MAML2: variants seen among roughly 807,000 people sequenced by gnomAD.
The protein encoded by MAML2 is mastermind-like protein 2.
MAML2 carries 22 observed loss-of-function variants against 96.1 expected under a neutral mutation model. The ratio of observed to expected loss-of-function variants is 0.23; its 90% CI spans 0.16 to 0.33. MAML2 has a LOEUF of 0.33. Among genes scored for constraint, MAML2 ranks in the 10% least tolerant of loss-of-function variants. The pLI is 1.00. For missense variants in MAML2, 1,367 were observed against 1,392.4 expected (o/e 0.98, Z 0.29); for synonymous variants, 561 against 521.3 (o/e 1.08, Z -1.04).
intron 1 of MAML2, among the ~76,000 whole-genome samples, chr11:96,338,245 C>T (rs558305549): frequency 6.6e-6 from 1 of 152,328 alleles, no homozygotes; most frequent in Admixed American, 6.5e-5. Flanking sequence ...TGAGTTAGTG[C>T]CTAAAGTCTG....
At chr11:96,300,372 C>T (rs1016722062) in intron 1 of MAML2, among the ~76,000 whole-genome samples, 4 of 152,098 alleles carry the variant, frequency 2.6e-5, no homozygotes, top group East Asian at 1.9e-4. Context: ...CAGACAGCTA[C>T]GACAAAACAT....
At chr11:96,152,783 A>G (rs887102007) in intron 1 of MAML2, among the ~76,000 whole-genome samples, 8 of 152,206 alleles carry the variant, frequency 5.3e-5, no homozygotes, top group Non-Finnish European at 8.8e-5. Context: ...TGCTGGGAGA[A>G]TACCAATGTA....
chr11:96,074,462 A>C (rs1010285759), intron 2 of MAML2, among the ~76,000 whole-genome samples: 6 of 152,248 alleles, frequency 3.9e-5, no homozygotes, highest in South Asian at 2.1e-4. Context: ...TTTCTCTCCC[A>C]AAACCCCAAG....
chr11:96,092,034 G>A lies in MAML2; in HGVS notation c.1997C>T (p.Pro666Leu). 1 of 1,558,610 alleles carries A rather than the reference G, an allele frequency of 6.4e-7. No individual in the cohort carries two copies. The highest frequency in any genetic ancestry group is 8.7e-7 in the Non-Finnish European group (1 of 1,151,556). Residue 666 changes from proline (P) to leucine (L), a missense_variant, in exon 2 of 5, where the codon CCA (proline) becomes CTA (leucine). Physicochemically the swap from Pro to Leu is moderately conservative, Grantham distance 98. Transcript: ENST00000524717. The surrounding 1 kb of genome is among the most constrained non-coding windows in gnomAD (Gnocchi z 4.1). ...QQQQQQQQQQPSSQPAQSLPS... is the reference protein window; with the variant it reads ...QQQQQQQQQQLSSQPAQSLPS... Reference sequence around the variant, plus strand: ...TAGAGATTGGGCAGGCTGAGAAGATGGTTGTTGCTGCTGCTGCTGCTGCTG... The same window carrying A: ...TAGAGATTGGGCAGGCTGAGAAGATAGTTGTTGCTGCTGCTGCTGCTGCTG...
intron 2 of MAML2, among the ~76,000 whole-genome samples, chr11:96,077,284 G>A (rs1427834633): frequency 7.8e-5 from 11 of 140,262 alleles, no homozygotes; most frequent in Non-Finnish European, 1.1e-4. Flanking sequence ...GCAGTGGTGC[G>A]ATCTAGGCTC....
chr11:96,081,749 C>A (rs1341726490), intron 2 of MAML2, among the ~76,000 whole-genome samples: 1 of 152,202 alleles, frequency 6.6e-6, no homozygotes, highest in Non-Finnish European at 1.5e-5. Context: ...TTATTTCATG[C>A]ACCATGGAAA....
rs1157893034 is a variant in MAML2, at chr11:96,159,404, A to ATTTTTTTTTTT, written c.514-65888_514-65887insAAAAAAAAAAA. On this transcript the variant is annotated intron_variant, in intron 1 of 4. Transcript: ENST00000524717. ...TACTAACCGTGCCTCTAAACCACTG[A>ATTTTTTTTTTT]TTCTTTTTTTTTTTTTTTTTTTTTT... Among the ~76,000 whole-genome samples the ATTTTTTTTTTT allele has an allele frequency of 4.9e-3, 303 of 61,936 alleles. 51 individuals are homozygous for ATTTTTTTTTTT. Among genetic ancestry groups the ATTTTTTTTTTT allele is most frequent in the African/African-American group, 0.013 (227 of 18,072 alleles). 40.6% of individuals were successfully genotyped at this position (61,936 alleles called of 152,430 possible).
intron 1 of MAML2, among the ~76,000 whole-genome samples, chr11:96,106,258 C>T (rs1019801687): frequency 6.6e-6 from 1 of 152,054 alleles, no homozygotes; most frequent in Non-Finnish European, 1.5e-5. Flanking sequence ...AAAAAAATAC[C>T]ACCTCACCTA....
chr11:96,068,571 C>T lies in MAML2; in HGVS notation c.2139+23321G>A, dbSNP rs112056943. On this transcript the variant is annotated intron_variant, in intron 2 of 4. Coordinates refer to ENST00000524717, the MANE Select transcript of MAML2 (RefSeq NM_032427.4). ...TAAGCCTGGGCATTTTTTAAAAGTA[C>T]GTATTTTAGCACTTTGGGAGGCCAA... 1.8e-3 allele frequency among the ~76,000 whole-genome samples: 269 copies of T among 151,718 alleles called. 2 individuals carry two copies. The highest frequency in any genetic ancestry group is 6.0e-3 in the African/African-American group (248 of 41,374).
At chr11:96,299,059 A>AT (rs55986543) in intron 1 of MAML2, among the ~76,000 whole-genome samples, 4,832 of 58,122 alleles carry the variant, frequency 0.083, 83 homozygotes, top group African/African-American at 0.14. Flanking sequence ...AAAAAAAAAA[A>AT]AATATATATA....
intron 1 of MAML2, among the ~76,000 whole-genome samples, chr11:96,198,717 C>T (rs755864045): frequency 2.0e-5 from 3 of 152,102 alleles, no homozygotes; most frequent in Admixed American, 6.6e-5. Context: ...GGCAAAGTTC[C>T]GGAAGGAGGA....
chr11:96,225,617 A>C (rs1371336391), intron 1 of MAML2, among the ~76,000 whole-genome samples: 1 of 152,186 alleles, frequency 6.6e-6, no homozygotes, highest in Non-Finnish European at 1.5e-5. Context: ...GGATCATTTG[A>C]GGTCACAAGT....
chr11:95,998,122 A>AGTCTGTCTG (rs1858021266), intron 2 of MAML2, among the ~76,000 whole-genome samples: 1 of 117,382 alleles, frequency 8.5e-6, no homozygotes, highest in African/African-American at 3.1e-5. Context: ...TTTTCTATCT[A>AGTCTGTCTG]TCTGTCTGTC....
intron 1 of MAML2, among the ~76,000 whole-genome samples, chr11:96,254,893 G>A (rs971347880): frequency 3.3e-5 from 5 of 152,134 alleles, no homozygotes; most frequent in Non-Finnish European, 5.9e-5. Flanking sequence ...AATCACAGCT[G>A]ACTACAGCCT....
At chr11:96,268,178 A>G (rs886368114) in intron 1 of MAML2, among the ~76,000 whole-genome samples, 4 of 152,190 alleles carry the variant, frequency 2.6e-5, no homozygotes, top group African/African-American at 9.7e-5. Context: ...CTTTAAGCAT[A>G]CATCTTAAAA....
At chr11:96,271,338 A>G (rs892302712) in intron 1 of MAML2, among the ~76,000 whole-genome samples, 2 of 152,116 alleles carry the variant, frequency 1.3e-5, no homozygotes, top group African/African-American at 4.8e-5. Context: ...ACCAGTTAAG[A>G]CTTTGGGTGA....
chr11:96,199,727 G>A (rs1189750129), intron 1 of MAML2, among the ~76,000 whole-genome samples: 1 of 152,064 alleles, frequency 6.6e-6, no homozygotes, highest in East Asian at 1.9e-4. Context: ...ACGCAGTCTC[G>A]CTAAATCTAA....
chr11:96,002,403 G>T lies in MAML2; in HGVS notation c.2140-10680C>A, dbSNP rs76377887. On this transcript the variant is annotated intron_variant, in intron 2 of 4. Transcript: ENST00000524717. ...AAGGCAAAGGTTGAGCAACATTTTT[G>T]AAGCCAATGTTGTTTTTATGGGTGT... Among the ~76,000 whole-genome samples the T allele has an allele frequency of 1.3e-3, 194 of 152,294 alleles. 3 individuals are homozygous for T. The highest frequency in any genetic ancestry group is 0.013 in the East Asian group (65 of 5,190).
chr11:96,292,494 G>T (rs1296237085), intron 1 of MAML2, among the ~76,000 whole-genome samples: 1 of 152,214 alleles, frequency 6.6e-6, no homozygotes, highest in Non-Finnish European at 1.5e-5. Flanking sequence ...CTGAGGCCAA[G>T]AAGTTAATTC....
Sources: allele counts gnomAD v4.1 joint callset (sites outside exome capture counted in the v4.1 genomes callset), GRCh38; gene constraint gnomAD v4.1.1; non-coding constraint Gnocchi (gnomAD v3.1); transcripts MANE v1.5; gene names NCBI Gene and HGNC (gene_info 2026-07-23, HGNC 2026-07-21).